GPC5: variants seen among roughly 807,000 people sequenced by gnomAD.
GPC5 encodes the protein glypican-5.
Under a neutral mutation model 53.9 loss-of-function variants are expected in GPC5, and 47 were observed. That is an observed-to-expected ratio of 0.87 (90% confidence interval 0.69 to 1.11). The LOEUF is 1.11. GPC5 is among the 50% of genes most tolerant of loss of function. The pLI, the probability that GPC5 is intolerant of heterozygous loss-of-function variation, is 0.00. For missense variants in GPC5, 748 were observed against 713.1 expected (o/e 1.05, Z -0.56); for synonymous variants, 286 against 263.3 (o/e 1.09, Z -0.84).
chr13:91,936,734 T>C (rs1335007915), intron 6 of GPC5, among the ~76,000 whole-genome samples: 2 of 116,370 alleles, frequency 1.7e-5, no homozygotes, highest in African/African-American at 5.9e-5. Flanking sequence ...CTCAGGTTTC[T>C]AAGAAAATAG....
chr13:91,503,912 T>C (rs1303058063), intron 2 of GPC5, among the ~76,000 whole-genome samples: 2 of 151,282 alleles, frequency 1.3e-5, no homozygotes, highest in Non-Finnish European at 2.9e-5. Flanking sequence ...AAAAGAAGAC[T>C]AATTCTTCAG....
chr13:92,230,467 A>C (rs558787734), intron 7 of GPC5, among the ~76,000 whole-genome samples: 1 of 152,148 alleles, frequency 6.6e-6, no homozygotes, highest in Non-Finnish European at 1.5e-5. Context: ...ATTTCAGGAT[A>C]ATTTTTATAA....
intron 5 of GPC5, among the ~76,000 whole-genome samples, chr13:91,781,315 A>G (rs1419159583): frequency 7.2e-5 from 11 of 152,258 alleles, no homozygotes; most frequent in Non-Finnish European, 1.6e-4. Flanking sequence ...TTAACTCAAC[A>G]AAACACATGC....
At chr13:91,620,020 C>T (rs536266849) in intron 2 of GPC5, among the ~76,000 whole-genome samples, 2 of 152,132 alleles carry the variant, frequency 1.3e-5, no homozygotes, top group African/African-American at 4.8e-5. Flanking sequence ...TCTTGGAAAG[C>T]GATTATTGAA....
intron 5 of GPC5, among the ~76,000 whole-genome samples, chr13:91,809,663 C>A (rs2038279230): frequency 6.6e-6 from 1 of 151,932 alleles, no homozygotes; most frequent in Non-Finnish European, 1.5e-5. Flanking sequence ...TAATTGAATT[C>A]ATTTCCCACA....
chr13:91,728,241 A>G (rs1437260845), intron 3 of GPC5, among the ~76,000 whole-genome samples: 2 of 152,278 alleles, frequency 1.3e-5, no homozygotes, highest in East Asian at 3.9e-4. Context: ...AAGTAATGTT[A>G]CACAAATAAG....
chr13:91,571,946 C>CGTGTGTGT (rs1566516313), intron 2 of GPC5, among the ~76,000 whole-genome samples: 15 of 112,478 alleles, frequency 1.3e-4, no homozygotes, highest in Non-Finnish European at 2.2e-4. Context: ...CATGTATATA[C>CGTGTGTGT]ATATACACAC....
At chr13:91,848,104 C>A (rs2038872834) in intron 5 of GPC5, among the ~76,000 whole-genome samples, 1 of 152,194 alleles carries the variant, frequency 6.6e-6, no homozygotes, top group Admixed American at 6.5e-5. Flanking sequence ...CAGGCCTAAA[C>A]TTTTCACATA....
intron 7 of GPC5, among the ~76,000 whole-genome samples, chr13:92,500,789 C>T (rs1376954011): frequency 6.6e-6 from 1 of 152,112 alleles, no homozygotes; most frequent in Non-Finnish European, 1.5e-5. Context: ...TTTGTCCACT[C>T]ACCACCTGCC....
chr13:92,403,920 G>GA (rs1398051859), intron 7 of GPC5, among the ~76,000 whole-genome samples: 3 of 151,856 alleles, frequency 2.0e-5, no homozygotes, highest in South Asian at 2.1e-4. Flanking sequence ...AACTTTATTG[G>GA]AAAAAATATT....
chr13:91,711,812 G>A (rs773985101), intron 3 of GPC5, among the ~76,000 whole-genome samples: 4 of 152,210 alleles, frequency 2.6e-5, no homozygotes, highest in African/African-American at 4.8e-5. Context: ...TTTCGGGTTT[G>A]GGTCACAGCA....
chr13:92,256,112 T>A (rs1258119239), intron 7 of GPC5, among the ~76,000 whole-genome samples: 2 of 151,808 alleles, frequency 1.3e-5, no homozygotes, highest in Non-Finnish European at 2.9e-5. Flanking sequence ...GATAAAGGCT[T>A]TATTTGTAAA....
At position 92,055,727 on chromosome 13, in the gene GPC5, T is replaced by C. The variant is rs181119773; in HGVS notation, c.1402-89103T>C. Among the ~76,000 whole-genome samples, 108 of 152,350 alleles carry C rather than the reference T, an allele frequency of 7.1e-4. 1 individual carries two copies. The highest frequency in any genetic ancestry group is 2.5e-3 in the African/African-American group (106 of 41,586). ...TGCATGTCTTTTGCATAAATTAAGA[T>C]AAAGTAAGCATATTTAATTTATCAT... is the stretch of plus-strand genomic sequence containing the variant. On this transcript the variant is annotated intron_variant, in intron 6 of 7. Coordinates refer to ENST00000377067, the MANE Select transcript of GPC5 (RefSeq NM_004466.6).
chr13:92,463,639 T>G (rs575393047), intron 7 of GPC5, among the ~76,000 whole-genome samples: 1 of 152,288 alleles, frequency 6.6e-6, no homozygotes. Context: ...GCTCTTCAAT[T>G]ATAAGATACT....
At chr13:92,116,277 A>C (rs2041600887) in intron 6 of GPC5, among the ~76,000 whole-genome samples, 2 of 151,416 alleles carry the variant, frequency 1.3e-5, no homozygotes, top group African/African-American at 4.9e-5. Context: ...AAACAAAAAA[A>C]AAAAAACAGT....
At chr13:91,481,071 G>C (rs189820340) in intron 2 of GPC5, among the ~76,000 whole-genome samples, 2 of 152,096 alleles carry the variant, frequency 1.3e-5, no homozygotes, top group Non-Finnish European at 2.9e-5. Context: ...TAATCAGCTG[G>C]CTTCTTTCTT....
intron 5 of GPC5, among the ~76,000 whole-genome samples, chr13:91,761,908 C>T (rs984621220): frequency 2.0e-5 from 3 of 152,052 alleles, no homozygotes; most frequent in African/African-American, 7.2e-5. Context: ...AAAGTCCCAA[C>T]CCTCTAATCA....
chr13:91,666,471 A>G, intron 2 of GPC5, among the ~76,000 whole-genome samples: 1 of 152,116 alleles, frequency 6.6e-6, no homozygotes, highest in Non-Finnish European at 1.5e-5. Context: ...CCCTTTTAGC[A>G]TTTGTCTTTT....
chr13:92,682,881 A>G (rs1887150509), intron 7 of GPC5, among the ~76,000 whole-genome samples: 1 of 152,160 alleles, frequency 6.6e-6, no homozygotes, highest in Non-Finnish European at 1.5e-5. Context: ...TTCTGGGAAG[A>G]ATGTGGGAGT....
Sources: allele counts gnomAD v4.1 joint callset (sites outside exome capture counted in the v4.1 genomes callset), GRCh38; gene constraint gnomAD v4.1.1; transcripts MANE v1.5; gene names NCBI Gene and HGNC (gene_info 2026-07-23, HGNC 2026-07-21).